Variants in STK3 observed in about 807,000 individuals in gnomAD.
The protein encoded by STK3 is serine/threonine-protein kinase 3.
Under a neutral mutation model 58.0 loss-of-function variants are expected in STK3, and 41 were observed. The ratio of observed to expected loss-of-function variants is 0.71; its 90% CI spans 0.55 to 0.92. The LOEUF (loss-of-function observed/expected upper bound fraction) is 0.92. Among genes scored for constraint, STK3 ranks in the 40% least tolerant of loss-of-function variants. STK3 has a pLI of 0.00. For synonymous variants in STK3, 170 were observed against 191.0 expected (o/e 0.89, Z 0.91); for missense variants, 479 against 602.7 (o/e 0.79, Z 2.15).
At chr8:98,713,184 A>C (rs1325695965) in intron 4 of STK3, among the ~76,000 whole-genome samples, 1 of 152,224 alleles carries the variant, frequency 6.6e-6, no homozygotes, top group African/African-American at 2.4e-5. Flanking sequence ...AGAAAGCAGG[A>C]AAGATCTAAA....
intron 8 of STK3, among the ~76,000 whole-genome samples, chr8:98,574,270 C>T (rs138406830): frequency 8.5e-5 from 13 of 152,206 alleles, no homozygotes; most frequent in East Asian, 7.7e-4. Context: ...GCTTAAGAAA[C>T]GACAATTAAA....
chr8:98,762,726 A>C (rs1399306020), intron 3 of STK3, among the ~76,000 whole-genome samples: 8 of 152,228 alleles, frequency 5.3e-5, no homozygotes, highest in Admixed American at 5.2e-4. Context: ...TCTGCATATA[A>C]GCACCAGGAG....
chr8:98,526,542 C>T (rs1184226803), intron 10 of STK3, 200 bp downstream of exon 10: 2 of 374,094 alleles, frequency 5.3e-6, no homozygotes, highest in Non-Finnish European at 9.2e-6. Flanking sequence ...AAAAGTATTT[C>T]TCTGCAAGTA....
intron 6 of STK3, among the ~76,000 whole-genome samples, chr8:98,617,225 C>T (rs1187106408): frequency 1.3e-5 from 2 of 149,740 alleles, no homozygotes; most frequent in Admixed American, 6.7e-5. Flanking sequence ...GGGTACATAA[C>T]GAAATGAAGG....
At chr8:98,908,296 C>G (rs997831568) in intron 1 of STK3, among the ~76,000 whole-genome samples, 2 of 152,190 alleles carry the variant, frequency 1.3e-5, no homozygotes, top group South Asian at 4.1e-4. Flanking sequence ...TCAGGAAAGG[C>G]AAGATAAATG....
intron 3 of STK3, among the ~76,000 whole-genome samples, chr8:98,761,514 T>C (rs745958292): frequency 6.6e-6 from 1 of 152,236 alleles, no homozygotes; most frequent in African/African-American, 2.4e-5. Flanking sequence ...AAAGTCTTCC[T>C]AATATGAGCA....
At chr8:98,637,237 T>C (rs1005615788) in intron 6 of STK3, among the ~76,000 whole-genome samples, 40 of 152,112 alleles carry the variant, frequency 2.6e-4, no homozygotes, top group African/African-American at 8.9e-4. Context: ...TTTCTATTTA[T>C]CAAACAGAAA....
chr8:98,366,004 T>G, the STK3 span, among the ~76,000 whole-genome samples: 1 of 152,196 alleles, frequency 6.6e-6, no homozygotes. Context: ...TACAGGAATT[T>G]CCCTAAGATA....
At chr8:98,704,510 C>G (rs1028187313) in intron 6 of STK3, among the ~76,000 whole-genome samples, 1 of 150,848 alleles carries the variant, frequency 6.6e-6, no homozygotes, top group African/African-American at 2.4e-5. Context: ...TCAAGAATGG[C>G]TCTACACAGG....
intron 6 of STK3, among the ~76,000 whole-genome samples, chr8:98,704,536 G>A (rs559087472): frequency 6.6e-6 from 1 of 151,572 alleles, no homozygotes; most frequent in East Asian, 1.9e-4. Context: ...AATCCAAGTT[G>A]GGACTTGAAA....
At chr8:98,409,858 G>C (rs1190280595) in intron 3 of STK3, among the ~76,000 whole-genome samples, 1 of 152,194 alleles carries the variant, frequency 6.6e-6, no homozygotes, top group Non-Finnish European at 1.5e-5. Context: ...CTGGAGGGAA[G>C]ACCTGTGTCT....
chr8:98,559,911 G>A (rs946084566), intron 8 of STK3, among the ~76,000 whole-genome samples: 9 of 152,070 alleles, frequency 5.9e-5, no homozygotes, highest in Admixed American at 5.9e-4. Flanking sequence ...AGAAGAAAGG[G>A]ATAATGTAGC....
intron 1 of STK3, among the ~76,000 whole-genome samples, chr8:98,889,365 G>C (rs921984225): frequency 2.6e-5 from 4 of 152,172 alleles, no homozygotes; most frequent in African/African-American, 9.7e-5. Context: ...CCTCTCCAGG[G>C]AGACAGTTCC....
At chr8:98,382,917 G>A (rs966055259) in intron 1 of STK3, among the ~76,000 whole-genome samples, 3 of 152,180 alleles carry the variant, frequency 2.0e-5, no homozygotes, top group African/African-American at 4.8e-5. Flanking sequence ...GTCCAGGCAG[G>A]CCGCAGCTGG....
intron 1 of STK3, chr8:98,921,594 T>C (rs1171441561): frequency 6.6e-6 from 1 of 152,260 alleles, no homozygotes; most frequent in Non-Finnish European, 1.5e-5. Flanking sequence ...CAGCCTATGA[T>C]GGCCTGGAGG....
intron 10 of STK3, among the ~76,000 whole-genome samples, chr8:98,466,568 CTCTT>C (rs1235508311): frequency 1.3e-5 from 2 of 152,164 alleles, no homozygotes; most frequent in African/African-American, 4.8e-5. Context: ...TTCTCGCCGT[CTCTT>C]TCTAAGGTCT....
At chr8:98,563,201 G>A (rs1191703975) in intron 8 of STK3, among the ~76,000 whole-genome samples, 2 of 152,040 alleles carry the variant, frequency 1.3e-5, no homozygotes, top group East Asian at 3.9e-4. Flanking sequence ...TTTTCCACAT[G>A]GGTTAAGAAT....
intron 1 of STK3, among the ~76,000 whole-genome samples, chr8:98,910,503 G>A (rs777781105): frequency 3.9e-5 from 6 of 152,130 alleles, no homozygotes; most frequent in Non-Finnish European, 7.4e-5. Flanking sequence ...TATTGAGAAG[G>A]AAACTTCTAT....
intron 1 of STK3, among the ~76,000 whole-genome samples, chr8:98,821,423 C>T (rs1439392340): frequency 6.6e-6 from 1 of 151,906 alleles, no homozygotes; most frequent in Non-Finnish European, 1.5e-5. Context: ...TAATGAATTT[C>T]CCTTCCCAGA....
Sources: gnomAD v4.1 joint callset for allele counts (sites outside exome capture counted in the v4.1 genomes callset) on GRCh38, gnomAD v4.1.1 for gene constraint, MANE v1.5 for transcripts, NCBI Gene and HGNC (gene_info 2026-07-23, HGNC 2026-07-21) for gene names.